Variants in OTUD7A observed in about 807,000 individuals in gnomAD.
The protein encoded by OTUD7A is OTU domain-containing protein 7A.
OTUD7A carries 12 observed loss-of-function variants against 65.7 expected under a neutral mutation model. The observed-to-expected ratio is 0.18, with a 90% CI of 0.12 to 0.30. The LOEUF is 0.30. Ranked by LOEUF, OTUD7A falls within the 10% of genes least tolerant of loss-of-function variation. The probability of loss-of-function intolerance (pLI) is 1.00; values close to 1 mark genes in which losing one functional copy is unlikely to be tolerated. For missense variants in OTUD7A, 1,148 were observed against 1,304.8 expected (o/e 0.88, Z 1.85); for synonymous variants, 641 against 586.3 (o/e 1.09, Z -1.35).
chr15:31,526,279 C>A (rs981744180), intron 8 of OTUD7A, 70 bp downstream of exon 8: 3 of 1,397,854 alleles, frequency 2.1e-6, no homozygotes, highest in Admixed American at 2.2e-5. Context: ...GCCATCCCCC[C>A]ATGCTGTGTG....
chr15:31,731,988 C>A (rs1354271), intron 1 of OTUD7A, among the ~76,000 whole-genome samples: 1 of 152,184 alleles, frequency 6.6e-6, no homozygotes, highest in Non-Finnish European at 1.5e-5. Flanking sequence ...TAGTGCTTTG[C>A]GGGGAACAAT....
intron 3 of OTUD7A, among the ~76,000 whole-genome samples, chr15:31,651,765 G>A (rs1163206189): frequency 3.3e-5 from 5 of 151,796 alleles, no homozygotes; most frequent in African/African-American, 9.7e-5. Context: ...TTACAACCCC[G>A]CCCCCCAATA....
chr15:31,484,804 C>A lies in OTUD7A; in HGVS notation c.1372-80G>T. 1 of 1,512,846 alleles carries A rather than the reference C, an allele frequency of 6.6e-7. No individual in the cohort carries two copies. The highest frequency in any genetic ancestry group is 1.4e-5 in the African/African-American group (1 of 73,248). The allele number at this position is 1,512,846 out of a possible 1,614,324, so 93.7% of individuals were successfully genotyped here. A position where few individuals can be genotyped will look rare whatever the true frequency, so the allele number is the denominator to read the frequency against. ...GCCAGCGAGGAAGACACACCTTGCC[C>A]CTGTGTTGCCGAGGCTAGGGCCCTG... On this transcript the variant is annotated intron_variant, in intron 12 of 12. Coordinates refer to ENST00000307050, the MANE Select transcript of OTUD7A (RefSeq NM_001382637.1). This position sits in a 1 kb window ranked among gnomAD's most constrained non-coding sequence, Gnocchi z 4.5.
chr15:31,821,800 C>A (rs1454404156), intron 1 of OTUD7A, among the ~76,000 whole-genome samples: 2 of 152,222 alleles, frequency 1.3e-5, no homozygotes, highest in Non-Finnish European at 2.9e-5. Context: ...TTTGATTCTA[C>A]ACATCCTAGT....
At chr15:31,758,668 G>A (rs1894879556) in intron 1 of OTUD7A, among the ~76,000 whole-genome samples, 1 of 152,158 alleles carries the variant, frequency 6.6e-6, no homozygotes, top group African/African-American at 2.4e-5. Flanking sequence ...CCATAGTGGG[G>A]AGGATTATTT....
intron 1 of OTUD7A, among the ~76,000 whole-genome samples, chr15:31,735,533 CAAA>C (rs71113418): frequency 7.4e-6 from 1 of 134,680 alleles, no homozygotes. Flanking sequence ...AACTCTGTCT[CAAA>C]AAAAAAAAAA....
intron 1 of OTUD7A, chr15:31,767,352 G>A (rs565342135): frequency 2.2e-4 from 173 of 777,584 alleles, no homozygotes; most frequent in Middle Eastern, 1.6e-3. Context: ...AGTAAGTAGA[G>A]GTTCAGGGAG....
At chr15:31,717,010 A>AT (rs1893606133) in intron 1 of OTUD7A, among the ~76,000 whole-genome samples, 1 of 152,248 alleles carries the variant, frequency 6.6e-6, no homozygotes, top group African/African-American at 2.4e-5. Context: ...GAATTCCTAC[A>AT]TAACCTCACA....
chr15:31,681,196 A>G (rs1223602075), intron 1 of OTUD7A, among the ~76,000 whole-genome samples: 1 of 149,662 alleles, frequency 6.7e-6, no homozygotes, highest in Non-Finnish European at 1.5e-5. Context: ...CTCTTTCCTG[A>G]TTTTCTGTCT....
intron 1 of OTUD7A, among the ~76,000 whole-genome samples, chr15:31,811,555 G>C (rs1896416837): frequency 6.6e-6 from 1 of 152,138 alleles, no homozygotes; most frequent in Non-Finnish European, 1.5e-5. Context: ...GTGTATGTGA[G>C]TGTGCGTTTA....
intron 5 of OTUD7A, among the ~76,000 whole-genome samples, chr15:31,551,945 C>T (rs1407321594): frequency 2.0e-5 from 3 of 152,134 alleles, no homozygotes; most frequent in Non-Finnish European, 4.4e-5. Context: ...AGATGTTTGT[C>T]CCCTCCAAAT....
chr15:31,508,876 C>CT (rs1381941370), intron 8 of OTUD7A, among the ~76,000 whole-genome samples: 3 of 152,356 alleles, frequency 2.0e-5, no homozygotes, highest in South Asian at 2.1e-4. Flanking sequence ...AAGGTCTTGG[C>CT]TTTTTTGTGG....
intron 1 of OTUD7A, among the ~76,000 whole-genome samples, chr15:31,762,642 T>C (rs1218120569): frequency 6.6e-6 from 1 of 152,218 alleles, no homozygotes; most frequent in East Asian, 1.9e-4. Context: ...GCGTAAGCTA[T>C]AGAAGGATCC....
chr15:31,539,161 C>G (rs377598889), intron 5 of OTUD7A, among the ~76,000 whole-genome samples: 4 of 152,256 alleles, frequency 2.6e-5, no homozygotes, highest in South Asian at 2.1e-4. Context: ...GCAAGTGCCT[C>G]AAATCCATGT....
intron 1 of OTUD7A, among the ~76,000 whole-genome samples, chr15:31,869,124 G>T (rs567723343): frequency 1.2e-4 from 19 of 152,342 alleles, no homozygotes; most frequent in African/African-American, 4.6e-4. Context: ...GTTCCCATAA[G>T]AATTGGTACT....
chr15:31,831,261 A>G (rs1046817924), intron 1 of OTUD7A, among the ~76,000 whole-genome samples: 4 of 152,248 alleles, frequency 2.6e-5, no homozygotes, highest in Non-Finnish European at 5.9e-5. Context: ...TAGGACACAG[A>G]AACAACAACC....
At chr15:31,665,568 CTT>C (rs981271738) in intron 1 of OTUD7A, among the ~76,000 whole-genome samples, 2 of 152,110 alleles carry the variant, frequency 1.3e-5, no homozygotes, top group Non-Finnish European at 2.9e-5. Context: ...CTGGAGGAGT[CTT>C]TAGGGTTTTC....
intron 3 of OTUD7A, among the ~76,000 whole-genome samples, chr15:31,626,883 G>GT (rs71113403): frequency 0.15 from 21,560 of 146,216 alleles, 1,904 homozygotes; most frequent in East Asian, 0.44. Context: ...GCCTATATTT[G>GT]TTTTTTTTTT....
rs33918687 is a variant in OTUD7A, at chr15:31,746,507, ATTT to A, written c.-99-89433_-99-89431del. Reference sequence around the variant, plus strand: ...TCAAACTCCATAGTAGTTTTTACATATTTTTTTTTTTTTTTTTGAGACAGAGTT... The same window carrying A: ...TCAAACTCCATAGTAGTTTTTACATATTTTTTTTTTTTTTGAGACAGAGTT... On this transcript the variant is annotated intron_variant, in intron 1 of 12. Transcript: ENST00000307050. 2.0e-3 allele frequency among the ~76,000 whole-genome samples: 291 copies of A among 143,464 alleles called. 1 individual carries two copies. Among genetic ancestry groups the A allele is most frequent in the Middle Eastern group, 7.1e-3 (2 of 282 alleles). 94.1% of individuals were successfully genotyped at this position (143,464 alleles called of 152,430 possible).
Sources: allele counts gnomAD v4.1 joint callset (sites outside exome capture counted in the v4.1 genomes callset), GRCh38; gene constraint gnomAD v4.1.1; non-coding constraint Gnocchi (gnomAD v3.1); transcripts MANE v1.5; gene names NCBI Gene and HGNC (gene_info 2026-07-23, HGNC 2026-07-21).